Variants in CEP112 observed in about 807,000 individuals in gnomAD.
CEP112 encodes the protein centrosomal protein of 112 kDa.
A neutral mutation model predicts 153.0 loss-of-function variants in CEP112; 127 were observed. The observed-to-expected ratio is 0.83, with a 90% CI of 0.72 to 0.96. The LOEUF is 0.96. CEP112 is among the 40% of genes least tolerant of loss of function. The probability of loss-of-function intolerance (pLI) is 0.00; values close to 1 mark genes in which losing one functional copy is unlikely to be tolerated. For synonymous variants in CEP112, 358 were observed against 374.4 expected (o/e 0.96, Z 0.51); for missense variants, 1,089 against 1,101.2 (o/e 0.99, Z 0.16).
At chr17:65,944,034 A>T (rs2061579024) in intron 18 of CEP112, among the ~76,000 whole-genome samples, 1 of 152,204 alleles carries the variant, frequency 6.6e-6, no homozygotes. Context: ...CAGCCATAAA[A>T]AGCAATGAGA....
At chr17:65,725,473 G>A (rs1042584525) in intron 23 of CEP112, among the ~76,000 whole-genome samples, 19 of 152,090 alleles carry the variant, frequency 1.2e-4, no homozygotes, top group African/African-American at 3.9e-4. Context: ...GCGCACCACC[G>A]CGCCTGGCTA....
intron 19 of CEP112, among the ~76,000 whole-genome samples, chr17:65,919,771 G>A (rs1237309456): frequency 6.6e-6 from 1 of 152,136 alleles, no homozygotes; most frequent in Non-Finnish European, 1.5e-5. Context: ...TTTCTCACAA[G>A]AAAAACTGTT....
intron 20 of CEP112, among the ~76,000 whole-genome samples, chr17:65,863,599 C>CAAA (rs35971829): frequency 2.0e-5 from 3 of 147,308 alleles, no homozygotes; most frequent in Non-Finnish European, 4.5e-5. Context: ...ACTAAAAATA[C>CAAA]AAAAAAAAAA....
At chr17:66,089,608 G>A (rs974213025) in intron 8 of CEP112, among the ~76,000 whole-genome samples, 7 of 152,024 alleles carry the variant, frequency 4.6e-5, no homozygotes, top group African/African-American at 7.2e-5. Context: ...CAAATATACA[G>A]GTTATTAGAA....
chr17:65,740,001 A>C (rs2051035580), intron 23 of CEP112, among the ~76,000 whole-genome samples: 1 of 152,206 alleles, frequency 6.6e-6, no homozygotes, highest in African/African-American at 2.4e-5. Context: ...AAAATTAAAA[A>C]ATCATAAATT....
chr17:66,031,641 TGG>T (rs1454409617), intron 12 of CEP112, among the ~76,000 whole-genome samples: 2 of 152,052 alleles, frequency 1.3e-5, no homozygotes, highest in African/African-American at 4.8e-5. Flanking sequence ...GTACCTTTTT[TGG>T]TAGCGATGGG....
intron 5 of CEP112, among the ~76,000 whole-genome samples, chr17:66,130,259 CTTCTCT>C (rs1241258911): frequency 6.6e-6 from 1 of 152,000 alleles, no homozygotes; most frequent in Admixed American, 6.6e-5. Flanking sequence ...AATCCAGGCT[CTTCTCT>C]TTAAGTTCTT....
At chr17:65,953,013 G>A (rs947731372) in intron 18 of CEP112, among the ~76,000 whole-genome samples, 1 of 151,318 alleles carries the variant, frequency 6.6e-6, no homozygotes, top group Admixed American at 6.6e-5. Flanking sequence ...TTAGATGCAA[G>A]TTCTTCGAAA....
chr17:66,036,226 G>T (rs1744139532), intron 12 of CEP112, among the ~76,000 whole-genome samples: 1 of 152,158 alleles, frequency 6.6e-6, no homozygotes, highest in Admixed American at 6.5e-5. Flanking sequence ...GAAAATGGAA[G>T]TTGCTACTCA....
chr17:66,060,756 C>T (rs1406396582), intron 11 of CEP112, among the ~76,000 whole-genome samples: 4 of 151,898 alleles, frequency 2.6e-5, no homozygotes, highest in Non-Finnish European at 5.9e-5. Context: ...AAAATCGACG[C>T]AAAATGAATT....
intron 21 of CEP112, among the ~76,000 whole-genome samples, chr17:65,766,500 G>A (rs966519760): frequency 1.3e-5 from 2 of 151,814 alleles, no homozygotes. Flanking sequence ...AAAACAACCA[G>A]GAGACAATAA....
chr17:65,862,416 A>T (rs941564825), intron 20 of CEP112, among the ~76,000 whole-genome samples: 22 of 152,180 alleles, frequency 1.4e-4, no homozygotes, highest in African/African-American at 3.9e-4. Context: ...GTGAAACCCC[A>T]TCTATACTAA....
chr17:65,913,018 T>G (rs2060345128), intron 19 of CEP112, among the ~76,000 whole-genome samples: 1 of 152,220 alleles, frequency 6.6e-6, no homozygotes, highest in Non-Finnish European at 1.5e-5. Flanking sequence ...ATATAGGTCA[T>G]TAGACTCATG....
intron 23 of CEP112, among the ~76,000 whole-genome samples, chr17:65,692,295 C>T (rs889008328): frequency 1.4e-5 from 2 of 144,486 alleles, no homozygotes; most frequent in African/African-American, 5.2e-5. Context: ...GTGGCACAAT[C>T]TCGACTCATT....
At chr17:65,787,581 C>G (rs1341241818) in intron 21 of CEP112, among the ~76,000 whole-genome samples, 2 of 152,100 alleles carry the variant, frequency 1.3e-5, no homozygotes, top group East Asian at 3.8e-4. Context: ...TTAAGGTATT[C>G]AAGATTTAGT....
intron 20 of CEP112, among the ~76,000 whole-genome samples, chr17:65,863,202 C>T (rs1303772735): frequency 6.6e-6 from 1 of 151,954 alleles, no homozygotes; most frequent in Admixed American, 6.6e-5. Flanking sequence ...TTTTAGTCTC[C>T]TAATATTATT....
At chr17:66,057,962 C>T (rs2066764330) in intron 11 of CEP112, among the ~76,000 whole-genome samples, 1 of 151,854 alleles carries the variant, frequency 6.6e-6, no homozygotes. Context: ...GCAGTGGTGG[C>T]CACACCTGTT....
chr17:65,933,075 C>A (rs1283104156), intron 18 of CEP112, among the ~76,000 whole-genome samples: 2 of 151,952 alleles, frequency 1.3e-5, no homozygotes, highest in Admixed American at 6.6e-5. Flanking sequence ...GAACATCAGA[C>A]TCAAACAAAT....
intron 16 of CEP112, among the ~76,000 whole-genome samples, chr17:66,021,222 C>T (rs2064988342): frequency 6.6e-6 from 1 of 152,096 alleles, no homozygotes; most frequent in African/African-American, 2.4e-5. Context: ...TAACTCATAT[C>T]AAGCTCGGCG....
Sources: gnomAD v4.1 joint callset for allele counts (sites outside exome capture counted in the v4.1 genomes callset) on GRCh38, gnomAD v4.1.1 for gene constraint, MANE v1.5 for transcripts, NCBI Gene and HGNC (gene_info 2026-07-23, HGNC 2026-07-21) for gene names.